PDE10A: variants seen among roughly 807,000 people sequenced by gnomAD.
PDE10A encodes the protein cAMP and cAMP-inhibited cGMP 3',5'-cyclic phosphodiesterase 10A.
In PDE10A, 39 loss-of-function variants were observed where a neutral mutation model predicts 97.7. That is an observed-to-expected ratio of 0.40 (90% CI 0.31 to 0.52). The LOEUF (loss-of-function observed/expected upper bound fraction) is 0.52. Among genes scored for constraint, PDE10A ranks in the 20% least tolerant of loss-of-function variants. The pLI, the probability that PDE10A is intolerant of heterozygous loss-of-function variation, is 0.56. For synonymous variants in PDE10A, 371 were observed against 376.8 expected (o/e 0.98, Z 0.18); for missense variants, 731 against 1,047.8 (o/e 0.70, Z 4.17).
In PDE10A at chr6:165,806,042, T is replaced by TAAAAAAA. The variant is rs67104260; in HGVS notation, c.-615+181480_-615+181486dup. ...AAATGATTTGTAGTTGCTTGATTAT[T>TAAAAAAA]AAAAAAAAAAAAAAAAAAAAAAAAA... On this transcript the variant is annotated intron_variant, in intron 1 of 19. Coordinates refer to the PDE10A transcript ENST00000366882. Among the ~76,000 whole-genome samples, 30 of 73,138 alleles carry TAAAAAAA rather than the reference T, an allele frequency of 4.1e-4. 2 individuals carry two copies. The highest frequency in any genetic ancestry group is 1.6e-3 in the African/African-American group (28 of 17,912). 48.0% of individuals were successfully genotyped at this position (73,138 alleles called of 152,430 possible).
At chr6:165,722,187 A>T (rs1298192299) in intron 1 of PDE10A, among the ~76,000 whole-genome samples, 1 of 152,260 alleles carries the variant, frequency 6.6e-6, no homozygotes, top group Non-Finnish European at 1.5e-5. Context: ...TGTGCAAAGC[A>T]TGTCCAGTGC....
At chr6:165,892,609 T>C (rs1256289508) in intron 1 of PDE10A, among the ~76,000 whole-genome samples, 4 of 152,178 alleles carry the variant, frequency 2.6e-5, no homozygotes, top group Non-Finnish European at 5.9e-5. Flanking sequence ...TCTGCAGGGC[T>C]TAGAGCTCCA....
chr6:165,333,660 T>C (rs182868828), intron 21 of PDE10A, among the ~76,000 whole-genome samples: 81 of 152,348 alleles, frequency 5.3e-4, no homozygotes, highest in African/African-American at 1.9e-3. Context: ...GGAAATTTTC[T>C]TGTTACAGTA....
intron 1 of PDE10A, among the ~76,000 whole-genome samples, chr6:165,865,020 G>A (rs999856091): frequency 9.9e-5 from 15 of 152,214 alleles, no homozygotes; most frequent in Admixed American, 9.2e-4. Flanking sequence ...TAAAATGTAT[G>A]CTTTACCACC....
chr6:165,694,319 C>T (rs1003696928), intron 1 of PDE10A, among the ~76,000 whole-genome samples: 3 of 152,200 alleles, frequency 2.0e-5, no homozygotes, highest in East Asian at 3.8e-4. Flanking sequence ...GCCACAGGCA[C>T]GGGACCATGA....
At chr6:165,900,818 T>C (rs956955804) in intron 1 of PDE10A, among the ~76,000 whole-genome samples, 3 of 152,192 alleles carry the variant, frequency 2.0e-5, no homozygotes, top group Non-Finnish European at 4.4e-5. Flanking sequence ...CAACATACTC[T>C]CATAGTTCCT....
At chr6:165,890,888 C>A (rs1781773431) in intron 1 of PDE10A, among the ~76,000 whole-genome samples, 1 of 152,202 alleles carries the variant, frequency 6.6e-6, no homozygotes, top group African/African-American at 2.4e-5. Context: ...GCGGTTCCAA[C>A]GCAGGACAGG....
At chr6:165,454,847 C>T (rs1214312919) in intron 3 of PDE10A, among the ~76,000 whole-genome samples, 1 of 152,048 alleles carries the variant, frequency 6.6e-6, no homozygotes, top group Non-Finnish European at 1.5e-5. Context: ...AAAGTTGTGG[C>T]TTAAATGAAC....
chr6:165,749,261 T>C (rs796784083), intron 1 of PDE10A, among the ~76,000 whole-genome samples: 29 of 69,026 alleles, frequency 4.2e-4, no homozygotes, highest in East Asian at 1.2e-3. Context: ...TCATCACCAT[T>C]ACCACCATCA....
chr6:165,825,169 G>GAAA (rs35069499), intron 1 of PDE10A, among the ~76,000 whole-genome samples: 3 of 140,598 alleles, frequency 2.1e-5, no homozygotes, highest in African/African-American at 8.0e-5. Flanking sequence ...AAAAGAAAAA[G>GAAA]AAAAAAAAAG....
At chr6:165,381,037 G>A (rs1214936947) in intron 17 of PDE10A, among the ~76,000 whole-genome samples, 6 of 116,958 alleles carry the variant, frequency 5.1e-5, no homozygotes, top group Non-Finnish European at 7.0e-5. Context: ...GTATTTGTAT[G>A]CTTTACTCTC....
rs549232910 is a variant in PDE10A at position 165,354,446 on chromosome 6, G to C, written c.2784-10944C>G. Among the ~76,000 whole-genome samples, 9 of 152,062 alleles carry C rather than the reference G, an allele frequency of 5.9e-5. No homozygotes were observed. The South Asian group carries it at 1.9e-3, about 32-fold the overall frequency. On this transcript the variant is annotated intron_variant, in intron 18 of 21. Coordinates refer to ENST00000539869, the MANE Select transcript of PDE10A (RefSeq NM_001385079.1). ...TTTTGAACATGAATTGTCCAAACAA[G>C]AAAATAAGGAGTTAAGATATAAAAG...
At chr6:165,743,434 CTT>C (rs1340137610) in intron 1 of PDE10A, among the ~76,000 whole-genome samples, 1 of 152,146 alleles carries the variant, frequency 6.6e-6, no homozygotes, top group Non-Finnish European at 1.5e-5. Flanking sequence ...TGTCGAAAAA[CTT>C]TGTTGAAAGC....
intron 1 of PDE10A, among the ~76,000 whole-genome samples, chr6:165,630,960 T>C (rs1284736382): frequency 6.6e-6 from 1 of 152,216 alleles, no homozygotes; most frequent in Non-Finnish European, 1.5e-5. Flanking sequence ...CTGGCTTTCC[T>C]GCAAATCAGC....
At chr6:165,908,314 G>A (rs1782355044) in intron 1 of PDE10A, among the ~76,000 whole-genome samples, 1 of 152,324 alleles carries the variant, frequency 6.6e-6, no homozygotes, top group Non-Finnish European at 1.5e-5. Context: ...CTTAGAGAAC[G>A]AGAAAGTGCC....
intron 1 of PDE10A, among the ~76,000 whole-genome samples, chr6:165,751,845 A>T (rs1793008225): frequency 6.6e-6 from 1 of 152,088 alleles, no homozygotes; most frequent in African/African-American, 2.4e-5. Context: ...ATGTAATTGA[A>T]AGTGAGTAAA....
intron 1 of PDE10A, among the ~76,000 whole-genome samples, chr6:165,981,015 T>C (rs1468834790): frequency 6.6e-6 from 1 of 152,222 alleles, no homozygotes; most frequent in Admixed American, 6.5e-5. Flanking sequence ...GGTGGCATTG[T>C]TACATAACTT....
intron 1 of PDE10A, among the ~76,000 whole-genome samples, chr6:165,913,983 A>G (rs9347098): frequency 0.16 from 24,436 of 152,272 alleles, 2,291 homozygotes; most frequent in East Asian, 0.26. Context: ...CAGCTAAAGC[A>G]TAATGTTTTT....
At chr6:165,468,984 T>C (rs907817933) in intron 3 of PDE10A, among the ~76,000 whole-genome samples, 13 of 152,214 alleles carry the variant, frequency 8.5e-5, no homozygotes, top group Non-Finnish European at 1.3e-4. Flanking sequence ...CTGCCAAGAA[T>C]GGTGTGGCAA....
Sources: allele counts gnomAD v4.1 joint callset (sites outside exome capture counted in the v4.1 genomes callset), GRCh38; gene constraint gnomAD v4.1.1; transcripts MANE v1.5; gene names NCBI Gene and HGNC (gene_info 2026-07-23, HGNC 2026-07-21).